The following ABLIM2 variants were observed in gnomAD, a reference collection of about 807,000 sequenced individuals.
ABLIM2 encodes actin binding LIM protein family member 2, also known as actin-binding LIM protein 2.
A neutral mutation model predicts 97.7 loss-of-function variants in ABLIM2; 53 were observed. The observed-to-expected ratio is 0.54, with a 90% confidence interval of 0.44 to 0.68. The LOEUF is 0.68. Among genes scored for constraint, ABLIM2 ranks in the 30% least tolerant of loss-of-function variants. The probability of loss-of-function intolerance (pLI) is 0.00; values close to 1 mark genes in which losing one functional copy is unlikely to be tolerated. For synonymous variants in ABLIM2, 361 were observed against 345.8 expected, an observed-to-expected ratio of 1.04 and a Z score of -0.49; for missense variants, 835 against 867.2, an observed-to-expected ratio of 0.96 and a Z score of 0.47.
rs777683715 is a variant in ABLIM2 at position 8,036,294 on chromosome 4, G to A, written c.902C>T (p.Ala301Val). The A allele has an allele frequency of 2.5e-6, 4 of 1,613,588 alleles. No individual in the cohort carries two copies. The highest frequency in any genetic ancestry group is 2.5e-6 in the Non-Finnish European group (3 of 1,179,662). Residue 301 changes from alanine (A) to valine (V), a missense_variant and splice_region_variant, in exon 10 of 21, where the codon GCC (alanine) becomes GTC (valine). Ala to Val is a moderately conservative substitution (Grantham distance 64). Transcript: ENST00000447017. ...GTCCAGGATCTCACCACCAAGCTTG[G>A]CCTGAGAGGGGAAAGAGAATTGGGG... ...TSGSPSRVIY[A>V]KLGGEILDYR...
intron 20 of ABLIM2, among the ~76,000 whole-genome samples, chr4:7,979,276 G>T (rs1736131915): frequency 6.6e-6 from 1 of 152,216 alleles, no homozygotes. Flanking sequence ...CACACATCTG[G>T]GTGCTCGGCA....
Position 7,983,318 on chromosome 4 carries a change from G to A in ABLIM2, c.1770C>T (p.Val590=). 1 of 1,612,552 alleles carries A rather than the reference G, an allele frequency of 6.2e-7. No homozygotes were observed. Among genetic ancestry groups the A allele is most frequent in the Non-Finnish European group, 8.5e-7 (1 of 1,179,498 alleles). The change falls in exon 20 of 21, where the codon GTC becomes GTT. Residue 590 remains valine (V), a synonymous_variant. Transcript: ENST00000447017. ...YKIYPYDSLI[V]TNRIRVKLPK... Reference sequence around the variant, plus strand: ...GCAGTTTCACGCGAATTCGGTTTGTGACGATGAGGGAGTCATACGGATAGA... The same window carrying A: ...GCAGTTTCACGCGAATTCGGTTTGTAACGATGAGGGAGTCATACGGATAGA...
In ABLIM2 at chr4:8,130,904, GA is replaced by G. The variant is rs1849261125; in HGVS notation, c.11-24268del. On this transcript the variant is annotated intron_variant, in intron 1 of 20. Transcript: ENST00000447017. The surrounding 1 kb of genome is among the most constrained non-coding windows in gnomAD (Gnocchi z 4.2). ...GGCGGCCTGCATTTCCTGACTTGTG[GA>G]CGGCAAGGTGGCCCCAGGGCTGAGC... Among the ~76,000 whole-genome samples the G allele has an allele frequency of 6.6e-6, 1 of 151,990 alleles. No individual in the cohort carries two copies. The highest frequency in any genetic ancestry group is 6.5e-5 in the Admixed American group (1 of 15,276).
intron 14 of ABLIM2, among the ~76,000 whole-genome samples, chr4:8,017,167 C>T (rs1248012107): frequency 1.3e-5 from 2 of 152,190 alleles, no homozygotes; most frequent in South Asian, 2.1e-4. Flanking sequence ...GGGTGCGAGG[C>T]CTCCTGCGCC....
chr4:8,020,450 G>C, intron 12 of ABLIM2, 147 bp from the exon 13 acceptor site: 3 of 755,932 alleles, frequency 4.0e-6, no homozygotes, highest in Non-Finnish European at 6.9e-6. Context: ...GGGAAGGAGT[G>C]TGGGCCTCAT....
intron 1 of ABLIM2, among the ~76,000 whole-genome samples, chr4:8,143,387 C>T (rs948223157): frequency 2.0e-5 from 3 of 152,152 alleles, no homozygotes; most frequent in South Asian, 2.1e-4. Context: ...CGGAGGACCA[C>T]GGTGCACAAA....
intron 16 of ABLIM2, among the ~76,000 whole-genome samples, chr4:8,006,364 TGGGGAGGTCATCAAGTG>T (rs1047219261): frequency 6.6e-6 from 1 of 152,104 alleles, no homozygotes; most frequent in Non-Finnish European, 1.5e-5. Context: ...GAAGAGTCTG[TGGGGAGGTCATCAAGTG>T]GGGGAGGTCA....
chr4:8,128,416 C>T lies in ABLIM2; in HGVS notation c.11-21779G>A, dbSNP rs1422231064. Among the ~76,000 whole-genome samples the T allele has an allele frequency of 2.0e-5, 3 of 152,224 alleles. No individual in the cohort carries two copies. Among genetic ancestry groups the T allele is most frequent in the Non-Finnish European group, 4.4e-5 (3 of 68,042 alleles). On this transcript the variant is annotated intron_variant, in intron 1 of 20. Coordinates refer to ENST00000447017, the MANE Select transcript of ABLIM2 (RefSeq NM_001130083.2). This position sits in a 1 kb window ranked among gnomAD's most constrained non-coding sequence, Gnocchi z 4.9. Reference sequence around the variant, plus strand: ...TCATAGGATGCGTTGCACCTGCACACCCAGTACAGCTGCCTGCAGCTCGCA... The same window carrying T: ...TCATAGGATGCGTTGCACCTGCACATCCAGTACAGCTGCCTGCAGCTCGCA...
At position 8,148,489 on chromosome 4, in the gene ABLIM2, C is replaced by T. The variant is rs377446852; in HGVS notation, c.10+10191G>A. 6.6e-6 allele frequency among the ~76,000 whole-genome samples: 1 copy of T among 152,156 alleles called. No homozygotes were observed. The stretch of plus-strand genomic sequence containing the variant: ...GGCACGGTGCTTCTCAGCCGAATCA[C>T]CTCGGGAGAGTTACCTAATTCCCTG... On this transcript the variant is annotated intron_variant, in intron 1 of 20. Transcript: ENST00000447017. The surrounding 1 kb of genome is among the most constrained non-coding windows in gnomAD (Gnocchi z 6.7).
intron 1 of ABLIM2, among the ~76,000 whole-genome samples, chr4:8,131,666 C>G (rs114335492): frequency 1.7e-4 from 21 of 120,428 alleles, no homozygotes; most frequent in African/African-American, 6.5e-4. Flanking sequence ...CACAGCATCC[C>G]GCATCCCTGA....
chr4:8,084,093 A>G (rs547393440), intron 4 of ABLIM2, among the ~76,000 whole-genome samples: 1 of 152,290 alleles, frequency 6.6e-6, no homozygotes, highest in Non-Finnish European at 1.5e-5. Context: ...TTTTGGAAAC[A>G]AGGACTCTGA....
chr4:8,074,586 A>C (rs1814676756), intron 6 of ABLIM2, among the ~76,000 whole-genome samples: 1 of 152,230 alleles, frequency 6.6e-6, no homozygotes, highest in African/African-American at 2.4e-5. Context: ...ATTTATAGTA[A>C]CCATCAAGAA....
Position 8,088,269 on chromosome 4 carries a change from G to T in ABLIM2, c.354C>A (p.Pro118=). The T allele has an allele frequency of 6.2e-7, 1 of 1,607,488 alleles. No individual in the cohort carries two copies. The highest frequency in any genetic ancestry group is 8.5e-7 in the Non-Finnish European group (1 of 1,176,118). The change falls in exon 4 of 21, where the codon CCC becomes CCA. Residue 118 remains proline (P), a synonymous_variant. Coordinates refer to ENST00000447017, the MANE Select transcript of ABLIM2 (RefSeq NM_001130083.2). ...TCCCGTTGAAGGTCACTCGGTCCCC[G>T]GGGGGGAAGGGCAGCCTGAAACAAG... The part of the protein sequence containing the change: ...VCAVCRLPFP[P]GDRVTFNGKE...
At chr4:8,088,563 G>T (rs1160746771) in intron 3 of ABLIM2, among the ~76,000 whole-genome samples, 3 of 152,252 alleles carry the variant, frequency 2.0e-5, no homozygotes, top group Non-Finnish European at 4.4e-5. Flanking sequence ...CTGAGGGCCA[G>T]CCCAGTGCTT....
At chr4:8,020,912 C>T (rs1773232616) in intron 12 of ABLIM2, 1 of 146,286 alleles carries the variant, frequency 6.8e-6, no homozygotes, top group South Asian at 2.0e-4. Flanking sequence ...AATGCAGTGG[C>T]ACAATCACGG....
intron 1 of ABLIM2, among the ~76,000 whole-genome samples, chr4:8,145,457 T>C (rs2152951878): frequency 6.6e-6 from 1 of 152,240 alleles, no homozygotes; most frequent in South Asian, 2.1e-4. Flanking sequence ...GTGCTGGGAT[T>C]ACAGGCATGA....
At chr4:8,073,313 G>C (rs115157820) in intron 6 of ABLIM2, among the ~76,000 whole-genome samples, 1 of 150,522 alleles carries the variant, frequency 6.6e-6, no homozygotes, top group Admixed American at 6.6e-5. Context: ...CCTCGCTGAG[G>C]TCTGGCTGCC....
chr4:8,048,285 C>T (rs1793841697), intron 8 of ABLIM2, among the ~76,000 whole-genome samples: 1 of 152,222 alleles, frequency 6.6e-6, no homozygotes, highest in Non-Finnish European at 1.5e-5. Context: ...CAATGGAACT[C>T]AATATCCATA....
At chr4:7,988,665 C>T (rs1018931673) in intron 17 of ABLIM2, among the ~76,000 whole-genome samples, 1 of 152,196 alleles carries the variant, frequency 6.6e-6, no homozygotes, top group Non-Finnish European at 1.5e-5. Context: ...TAAATAATTA[C>T]TCATGTGGGA....
Sources: allele counts gnomAD v4.1 joint callset (sites outside exome capture counted in the v4.1 genomes callset), GRCh38; gene constraint gnomAD v4.1.1; non-coding constraint Gnocchi (gnomAD v3.1); transcripts MANE v1.5; gene names NCBI Gene and HGNC (gene_info 2026-07-23, HGNC 2026-07-21).